ATP2B4: variants seen among roughly 807,000 people sequenced by gnomAD.
ATP2B4 encodes plasma membrane calcium-transporting ATPase 4.
A neutral mutation model predicts 110.3 loss-of-function variants in ATP2B4; 39 were observed. That is an observed-to-expected ratio of 0.35 (90% CI 0.27 to 0.46). The LOEUF (loss-of-function observed/expected upper bound fraction) is 0.46. ATP2B4 is among the 20% of genes least tolerant of loss of function. The pLI, the probability that ATP2B4 is intolerant of heterozygous loss-of-function variation, is 1.00. For missense variants in ATP2B4, 1,135 were observed against 1,530.9 expected (o/e 0.74, Z 4.32); for synonymous variants, 538 against 571.7 (o/e 0.94, Z 0.84).
intron 12 of ATP2B4, 81 bp downstream of exon 12, chr1:203,711,189 CCTAACTGCCT>C: frequency 7.7e-7 from 1 of 1,300,042 alleles, no homozygotes; most frequent in Non-Finnish European, 1.1e-6. Flanking sequence ...AGGCAGGTAA[CCTAACTGCCT>C]CTCACTTAGA....
chr1:203,704,257 G>A (rs1220689476), intron 8 of ATP2B4, among the ~76,000 whole-genome samples: 1 of 152,122 alleles, frequency 6.6e-6, no homozygotes, highest in Non-Finnish European at 1.5e-5. Context: ...AGTAAGGACT[G>A]GAGGAAGAAG....
intron 1 of ATP2B4, among the ~76,000 whole-genome samples, chr1:203,673,593 G>T (rs4073264): frequency 0.32 from 49,201 of 151,998 alleles, 8,272 homozygotes; most frequent in South Asian, 0.56. Flanking sequence ...GGGATGGGAG[G>T]TTCTCTGTAC....
intron 1 of ATP2B4, among the ~76,000 whole-genome samples, chr1:203,669,241 A>G (rs140435623): frequency 6.6e-6 from 1 of 152,102 alleles, no homozygotes; most frequent in Non-Finnish European, 1.5e-5. Context: ...TTCCCCTTCT[A>G]TCTGCACCAA....
intron 11 of ATP2B4, 23 bp downstream of exon 11, chr1:203,709,565 C>T (rs1415169900): frequency 6.2e-7 from 1 of 1,613,522 alleles, no homozygotes; most frequent in Non-Finnish European, 8.5e-7. Flanking sequence ...GACCACTCTG[C>T]TTCCCTTCAA....
chr1:203,738,051 G>T (rs1666914777), intron 20 of ATP2B4, among the ~76,000 whole-genome samples: 1 of 152,048 alleles, frequency 6.6e-6, no homozygotes, highest in Non-Finnish European at 1.5e-5. Flanking sequence ...TCTTCTCCTG[G>T]AATATATTTT....
At chr1:203,662,735 C>T (rs1558021687) in intron 1 of ATP2B4, among the ~76,000 whole-genome samples, 1 of 152,122 alleles carries the variant, frequency 6.6e-6, no homozygotes, top group Admixed American at 6.6e-5. Flanking sequence ...TTTTAAATCA[C>T]ATTTTTTGGG....
intron 15 of ATP2B4, among the ~76,000 whole-genome samples, chr1:203,715,378 C>T (rs1666132518): frequency 7.0e-6 from 1 of 143,060 alleles, no homozygotes; most frequent in Non-Finnish European, 1.5e-5. Flanking sequence ...CATGGTGAAA[C>T]CCCAGCTCTA....
intron 1 of ATP2B4, among the ~76,000 whole-genome samples, chr1:203,655,933 C>T (rs1009183072): frequency 1.3e-5 from 2 of 151,852 alleles, no homozygotes; most frequent in South Asian, 2.2e-4. Flanking sequence ...GAGACGGAGT[C>T]TTGCTCTGTT....
chr1:203,728,537 A>G (rs1320448301), intron 20 of ATP2B4, among the ~76,000 whole-genome samples: 3 of 152,202 alleles, frequency 2.0e-5, no homozygotes, highest in Non-Finnish European at 4.4e-5. Flanking sequence ...TTCACTGTCT[A>G]AAACTGGCCT....
intron 10 of ATP2B4, among the ~76,000 whole-genome samples, chr1:203,709,009 T>TA (rs1347936395): frequency 6.6e-6 from 1 of 151,886 alleles, no homozygotes; most frequent in African/African-American, 2.4e-5. Context: ...ATACAAAAAT[T>TA]AGCTAGGCAT....
intron 1 of ATP2B4, among the ~76,000 whole-genome samples, chr1:203,665,903 C>T (rs1664489218): frequency 1.3e-5 from 2 of 151,932 alleles, no homozygotes; most frequent in Admixed American, 6.6e-5. Context: ...TTAGACTTTT[C>T]CATCTACGTG....
At chr1:203,714,118 T>A in intron 14 of ATP2B4, 53 bp from the exon 15 acceptor site, 1 of 1,533,798 alleles carries the variant, frequency 6.5e-7, no homozygotes, top group Non-Finnish European at 9.0e-7. Context: ...TGGTAGGAAC[T>A]GAAGGGTGGG....
At chr1:203,628,581 C>T (rs184616221) in intron 1 of ATP2B4, among the ~76,000 whole-genome samples, 1 of 152,236 alleles carries the variant, frequency 6.6e-6, no homozygotes, top group Non-Finnish European at 1.5e-5. Flanking sequence ...TCTGCAGCGC[C>T]CCCCTCCTCT....
intron 20 of ATP2B4, among the ~76,000 whole-genome samples, chr1:203,732,312 C>A (rs765368820): frequency 1.3e-5 from 2 of 152,208 alleles, no homozygotes; most frequent in African/African-American, 4.8e-5. Context: ...CTTCCTCCCC[C>A]TCCCTCAGTC....
chr1:203,720,080 T>A (rs752861884), intron 15 of ATP2B4, among the ~76,000 whole-genome samples: 89 of 152,296 alleles, frequency 5.8e-4, no homozygotes, highest in Non-Finnish European at 1.1e-3. Flanking sequence ...AATTTTTTTT[T>A]AATTTAACTT....
chr1:203,707,933 C>T lies in ATP2B4; in HGVS notation c.1386C>T (p.Ile462=), dbSNP rs768238262. ...ACETMGNATA[I]CSDKTGTLTM... is the part of the protein sequence containing the mutation. ...AGACCATGGGCAACGCCACCGCCAT[C>T]TGCTCTGATAAGACAGGCACGTTGA... is the stretch of plus-strand genomic sequence containing the variant. The change falls in exon 10 of 21, where the codon ATC becomes ATT. Residue 462 remains isoleucine (I), a synonymous_variant. Coordinates refer to ENST00000357681, the MANE Select transcript of ATP2B4 (RefSeq NM_001684.5). 2 of 1,614,238 alleles carry T rather than the reference C, an allele frequency of 1.2e-6. No individual in the cohort carries two copies. The highest frequency in any genetic ancestry group is 1.7e-6 in the Non-Finnish European group (2 of 1,180,042).
chr1:203,693,107 C>T (rs1178105550), intron 2 of ATP2B4, among the ~76,000 whole-genome samples: 16 of 152,220 alleles, frequency 1.1e-4, no homozygotes, highest in Non-Finnish European at 2.2e-4. Flanking sequence ...TCCTTCCCCT[C>T]TCCAGGAGGT....
chr1:203,647,160 C>G (rs536938760), intron 1 of ATP2B4, among the ~76,000 whole-genome samples: 1 of 152,150 alleles, frequency 6.6e-6, no homozygotes, highest in Admixed American at 6.5e-5. Flanking sequence ...AGCTGATGGG[C>G]TGGGCACAAT....
intron 1 of ATP2B4, among the ~76,000 whole-genome samples, chr1:203,662,316 G>A (rs1481422644): frequency 2.0e-5 from 3 of 152,108 alleles, no homozygotes; most frequent in Non-Finnish European, 4.4e-5. Context: ...ATGAGCCACC[G>A]CTCCCAGCTT....
Sources: gnomAD v4.1 joint callset for allele counts (sites outside exome capture counted in the v4.1 genomes callset) on GRCh38, gnomAD v4.1.1 for gene constraint, MANE v1.5 for transcripts, NCBI Gene and HGNC (gene_info 2026-07-23, HGNC 2026-07-21) for gene names.